Variants in PCDHA10 observed in about 807,000 individuals in gnomAD.
The protein encoded by PCDHA10 is protocadherin alpha-10.
In PCDHA10, 45 loss-of-function variants were observed where a neutral mutation model predicts 61.2. The ratio of observed to expected loss-of-function variants is 0.74; its 90% CI spans 0.58 to 0.94. PCDHA10 has a LOEUF of 0.94. Ranked by LOEUF, PCDHA10 falls within the 40% of genes least tolerant of loss-of-function variation. The pLI, the probability that PCDHA10 is intolerant of heterozygous loss-of-function variation, is 0.00. For synonymous variants in PCDHA10, 602 were observed against 548.8 expected (o/e 1.10, Z -1.35); for missense variants, 1,278 against 1,236.2 (o/e 1.03, Z -0.51).
At chr5:140,884,698 A>G (rs782573200) in intron 1 of PCDHA10, 13 of 1,502,610 alleles carry the variant, frequency 8.7e-6, no homozygotes, top group African/African-American at 1.4e-5. Context: ...CTTAGTAAAC[A>G]CTTTAGCCTT....
intron 1 of PCDHA10, among the ~76,000 whole-genome samples, chr5:140,918,353 C>T (rs557694814): frequency 4.6e-5 from 7 of 152,236 alleles, no homozygotes; most frequent in African/African-American, 1.7e-4. Context: ...AGGTTGACTT[C>T]CTCTCTGCCT....
chr5:140,869,666 A>C, intron 1 of PCDHA10: 12 of 1,613,524 alleles, frequency 7.4e-6, no homozygotes, highest in Non-Finnish European at 1.0e-5. Flanking sequence ...AATGGTAAGC[A>C]GATTAAAAGA....
chr5:140,980,657 A>G (rs553240428), intron 2 of PCDHA10, among the ~76,000 whole-genome samples: 2 of 151,966 alleles, frequency 1.3e-5, no homozygotes, highest in Non-Finnish European at 2.9e-5. Context: ...ATAAAATAAC[A>G]TAACTTCCTT....
chr5:140,897,415 A>G (rs2066090522), intron 1 of PCDHA10, among the ~76,000 whole-genome samples: 1 of 138,406 alleles, frequency 7.2e-6, no homozygotes, highest in South Asian at 2.3e-4. Context: ...TTCAATTCCC[A>G]TCTATGAGTG....
In PCDHA10 at chr5:140,928,392, G is replaced by A. The variant is rs17844366; in HGVS notation, c.2389-50557G>A. 2.0e-4 allele frequency: 326 copies of A among 1,614,052 alleles called. No homozygotes were observed. The East Asian group carries it at 6.6e-3, about 32-fold the overall frequency. Reference sequence around the variant, plus strand: ...CATCAGCCTCTAGCTTGCTGGCAGTGGAATCATCCAGTGGGGCCATCACTG... The same window carrying A: ...CATCAGCCTCTAGCTTGCTGGCAGTAGAATCATCCAGTGGGGCCATCACTG... On this transcript the variant is annotated intron_variant, in intron 1 of 3. Transcript: ENST00000307360.
At position 140,869,155 on chromosome 5, in the gene PCDHA10, C is replaced by G. The variant is rs74664704; in HGVS notation, c.2388+10719C>G. On this transcript the variant is annotated intron_variant, in intron 1 of 3. Transcript: ENST00000307360. The stretch of plus-strand genomic sequence containing the variant: ...GGGCACCCCACGACTACAGCTCTGG[C>G]TTCTCCTCCTCGAATTCTGGGAGGT... 3.7e-4 allele frequency: 593 copies of G among 1,613,808 alleles called. 1 individual carries two copies. In the African/African-American group the frequency reaches 7.1e-3, roughly 19 times the overall value.
intron 1 of PCDHA10, chr5:140,926,610 C>A (rs2083401767): frequency 8.5e-6 from 3 of 352,484 alleles, no homozygotes; most frequent in African/African-American, 2.1e-5. Context: ...CTCGTCTCTG[C>A]ACCCCTAGGC....
chr5:140,984,164 A>G (rs1471799520), intron 3 of PCDHA10, among the ~76,000 whole-genome samples: 1 of 152,208 alleles, frequency 6.6e-6, no homozygotes, highest in Non-Finnish European at 1.5e-5. Context: ...GAACTTCCCA[A>G]AGAAGCCACG....
At chr5:140,969,149 G>T (rs782510891) in intron 1 of PCDHA10, 9 of 1,614,120 alleles carry the variant, frequency 5.6e-6, no homozygotes, top group Admixed American at 1.7e-5. Context: ...CTGCTACAAG[G>T]CCTGTCTGAC....
rs782160195 is a variant in PCDHA10, at chr5:140,857,078, G to C, written c.1030G>C (p.Asp344His). 17 of 1,597,076 alleles carry C rather than the reference G, an allele frequency of 1.1e-5. 2 individuals are homozygous for C. The highest frequency in any genetic ancestry group is 1.5e-5 in the Non-Finnish European group (17 of 1,166,812). The change falls in exon 1 of 4, where the codon GAT becomes CAT. Residue 344 changes from aspartate to histidine, a missense_variant. Transcript: ENST00000307360. ...CCTAGTGGAACTACTGGATGAAAATGATAATTCACCTGAGGTGATTGTCAC... is the reference window on the plus strand; with the variant it reads ...CCTAGTGGAACTACTGGATGAAAATCATAATTCACCTGAGGTGATTGTCAC... ...TVLVELLDEN[D>H]NSPEVIVTSL...
intron 1 of PCDHA10, chr5:140,884,185 G>T (rs1554181312): frequency 6.2e-7 from 1 of 1,613,444 alleles, no homozygotes. Context: ...CTCTGGACGA[G>T]GTGGACGCGC....
intron 1 of PCDHA10, among the ~76,000 whole-genome samples, chr5:140,917,324 C>CG (rs1299895515): frequency 0.012 from 918 of 74,422 alleles, 22 homozygotes; most frequent in East Asian, 0.019. Flanking sequence ...GTTCATGTGG[C>CG]GGGGGAGGGG....
At chr5:140,954,305 T>C (rs2153702260) in intron 1 of PCDHA10, among the ~76,000 whole-genome samples, 1 of 152,342 alleles carries the variant, frequency 6.6e-6, no homozygotes, top group South Asian at 2.1e-4. Context: ...TACCCAGTAA[T>C]GGGATTGCTG....
intron 1 of PCDHA10, chr5:140,875,899 T>C: frequency 1.2e-6 from 2 of 1,614,192 alleles, no homozygotes; most frequent in South Asian, 1.1e-5. Context: ...GGTACCTGTT[T>C]CTGAATCTGC....
chr5:140,870,879 G>A (rs1554164779), intron 1 of PCDHA10: 1 of 1,613,952 alleles, frequency 6.2e-7, no homozygotes, highest in East Asian at 2.2e-5. Flanking sequence ...TGGTGGCGAA[G>A]GTGCGCGCAG....
intron 1 of PCDHA10, chr5:140,870,040 A>G: frequency 1.2e-6 from 2 of 1,613,768 alleles, no homozygotes; most frequent in Non-Finnish European, 1.7e-6. Flanking sequence ...TGAAGAAAAC[A>G]AGTTTTATAA....
rs782027925 is a variant in PCDHA10, at chr5:140,877,333, C to G, written c.2388+18897C>G. The G allele has an allele frequency of 2.5e-6, 4 of 1,613,992 alleles. No individual in the cohort carries two copies. The South Asian group carries it at 3.3e-5, about 13-fold the overall frequency. Reference sequence around the variant, plus strand: ...ACCGGCGGCGGTCGGCGCGCACATCCCGTTCCACGTGGGGCTGTACACTGG... The same window carrying G: ...ACCGGCGGCGGTCGGCGCGCACATCGCGTTCCACGTGGGGCTGTACACTGG... On this transcript the variant is annotated intron_variant, in intron 1 of 3. Transcript: ENST00000307360.
rs1554253792 is a variant in PCDHA10 at position 140,993,501 on chromosome 5, C to CACAT, written c.2536+10941_2536+10942insTACA. ...ACACACACACACACACACACACACA[C>CACAT]ACACACACGGGGAGAGAGAGACAGA... is the stretch of plus-strand genomic sequence containing the variant. On this transcript the variant is annotated intron_variant, in intron 3 of 3. Transcript: ENST00000307360. Among the ~76,000 whole-genome samples, 4 of 149,100 alleles carry CACAT rather than the reference C, an allele frequency of 2.7e-5. No individual in the cohort carries two copies. In the East Asian group the frequency reaches 5.8e-4, roughly 22 times the overall value.
intron 1 of PCDHA10, chr5:140,884,495 A>T: frequency 6.2e-7 from 1 of 1,614,034 alleles, no homozygotes; most frequent in Non-Finnish European, 8.5e-7. Flanking sequence ...AGTGTGCTCC[A>T]GCGCGGCAGG....
Sources: allele counts gnomAD v4.1 joint callset (sites outside exome capture counted in the v4.1 genomes callset), GRCh38; gene constraint gnomAD v4.1.1; transcripts MANE v1.5; gene names NCBI Gene and HGNC (gene_info 2026-07-23, HGNC 2026-07-21).